COX7B2: variants seen among roughly 807,000 people sequenced by gnomAD.
The protein encoded by COX7B2 is cytochrome c oxidase subunit 7B2, mitochondrial.
For missense variants in COX7B2, 109 were observed against 95.9 expected, an observed-to-expected ratio of 1.14 and a Z score of -0.57; for synonymous variants, 37 against 32.1, an observed-to-expected ratio of 1.15 and a Z score of -0.51.
chr4:46,892,876 G>T lies in COX7B2; in HGVS notation c.-105+16284C>A, dbSNP rs145117724. Among the ~76,000 whole-genome samples, 15 of 152,228 alleles carry T rather than the reference G, an allele frequency of 9.9e-5. No individual in the cohort carries two copies. The East Asian group carries it at 2.9e-3, about 29-fold the overall frequency. On this transcript the variant is annotated intron_variant, in intron 1 of 2. Transcript: ENST00000355591. ...AGTGGGACATAACTGAATAATGGGG[G>T]GATTTCCCCCATGCTATTCTCATGA... is the stretch of plus-strand genomic sequence containing the variant.
At chr4:46,795,482 T>C (rs1718276121) in intron 2 of COX7B2, among the ~76,000 whole-genome samples, 1 of 138,792 alleles carries the variant, frequency 7.2e-6, no homozygotes, top group African/African-American at 2.9e-5. Context: ...CTTGTTTTTC[T>C]CAGGTTTGTC....
chr4:46,762,470 C>G (rs1279794272), intron 2 of COX7B2, among the ~76,000 whole-genome samples: 70 of 134,764 alleles, frequency 5.2e-4, no homozygotes, highest in Non-Finnish European at 1.0e-3. Context: ...AGTATATGTA[C>G]TATATATACT....
chr4:46,753,458 G>T (rs987262802), intron 2 of COX7B2, among the ~76,000 whole-genome samples: 24 of 151,720 alleles, frequency 1.6e-4, no homozygotes, highest in Non-Finnish European at 3.1e-4. Context: ...AACAAGAAAT[G>T]GGGAAAGGAT....
Position 46,842,464 on chromosome 4 carries a change from A to G in COX7B2, c.-50+2496T>C, listed in dbSNP as rs563171107. 2.6e-5 allele frequency among the ~76,000 whole-genome samples: 4 copies of G among 152,098 alleles called. No individual in the cohort carries two copies. In the East Asian group the frequency reaches 5.8e-4, roughly 22 times the overall value. ...TGTGCACAACTTGCAGGTTTGTTAC[A>G]TATGTATACATGTGCCATGCTGATG... is the stretch of plus-strand genomic sequence containing the variant. On this transcript the variant is annotated intron_variant, in intron 2 of 2. Coordinates refer to ENST00000355591, the MANE Select transcript of COX7B2 (RefSeq NM_130902.3).
rs566743809 is a variant in COX7B2 at position 46,883,751 on chromosome 4, T to A, written c.-105+25409A>T. ...CTCCAGCCTGGGCGACAGAGTGAGA[T>A]CTTCTATTAATCAGAATAAACCTTT... On this transcript the variant is annotated intron_variant, in intron 1 of 2. Coordinates refer to ENST00000355591, the MANE Select transcript of COX7B2 (RefSeq NM_130902.3). Among the ~76,000 whole-genome samples the A allele has an allele frequency of 8.1e-4, 123 of 151,288 alleles. 1 individual carries two copies. In the Middle Eastern group the frequency reaches 0.024, roughly 29 times the overall value.
chr4:46,752,342 T>C (rs1481401721), intron 2 of COX7B2, among the ~76,000 whole-genome samples: 2 of 151,430 alleles, frequency 1.3e-5, no homozygotes, highest in African/African-American at 4.8e-5. Flanking sequence ...GTTTTCTAGA[T>C]ATACAATCAT....
At chr4:46,788,728 A>G (rs1014228925) in intron 2 of COX7B2, among the ~76,000 whole-genome samples, 5 of 152,216 alleles carry the variant, frequency 3.3e-5, no homozygotes, top group African/African-American at 1.2e-4. Flanking sequence ...TCAAAGCAAA[A>G]CTAATAGTAA....
intron 1 of COX7B2, among the ~76,000 whole-genome samples, chr4:46,848,485 C>T (rs1255519686): frequency 1.3e-5 from 2 of 151,942 alleles, no homozygotes; most frequent in Non-Finnish European, 2.9e-5. Context: ...TACTGTTGTA[C>T]AAAAACTGTT....
At chr4:46,854,344 A>G (rs960807702) in intron 1 of COX7B2, among the ~76,000 whole-genome samples, 2 of 152,204 alleles carry the variant, frequency 1.3e-5, no homozygotes, top group Non-Finnish European at 2.9e-5. Context: ...TGCTAACAGT[A>G]TACAGTAATC....
chr4:46,880,190 G>C (rs911550173), intron 1 of COX7B2, among the ~76,000 whole-genome samples: 12 of 152,028 alleles, frequency 7.9e-5, no homozygotes, highest in Non-Finnish European at 2.9e-5. Context: ...ATTTTGTTGA[G>C]GATTTTTGCA....
At chr4:46,829,060 G>A (rs1015862110) in intron 2 of COX7B2, among the ~76,000 whole-genome samples, 2 of 152,132 alleles carry the variant, frequency 1.3e-5, no homozygotes, top group Non-Finnish European at 2.9e-5. Context: ...TTCTAAGCAC[G>A]TGATTGAGAT....
chr4:46,768,984 C>A (rs1716713357), intron 2 of COX7B2, among the ~76,000 whole-genome samples: 1 of 151,982 alleles, frequency 6.6e-6, no homozygotes, highest in Non-Finnish European at 1.5e-5. Flanking sequence ...TAGAAATATA[C>A]ATGATATCAA....
intron 1 of COX7B2, among the ~76,000 whole-genome samples, chr4:46,854,795 T>C (rs1716907677): frequency 6.6e-6 from 1 of 152,132 alleles, no homozygotes; most frequent in African/African-American, 2.4e-5. Context: ...ATAAAACCAT[T>C]AAAAAGGCCG....
chr4:46,766,405 T>G (rs1376263182), intron 2 of COX7B2, among the ~76,000 whole-genome samples: 1 of 151,998 alleles, frequency 6.6e-6, no homozygotes, highest in Non-Finnish European at 1.5e-5. Context: ...CATCATCAAA[T>G]GTCAGGGGAA....
chr4:46,786,256 C>T (rs1717748737), intron 2 of COX7B2, among the ~76,000 whole-genome samples: 1 of 152,138 alleles, frequency 6.6e-6, no homozygotes, highest in South Asian at 2.1e-4. Flanking sequence ...ATATTATGAA[C>T]ATCTTCTCAT....
In COX7B2 at chr4:46,786,957, G is replaced by T. The variant is rs539839076; in HGVS notation, c.-49-51716C>A. ...AAGAGAGAGTTCCTGGACTTCCAGG[G>T]TCTGCTGTGAACTTGGAAAAGATGA... On this transcript the variant is annotated intron_variant, in intron 2 of 2. Transcript: ENST00000355591. Among the ~76,000 whole-genome samples the T allele has an allele frequency of 2.6e-5, 4 of 152,262 alleles. No homozygotes were observed. The South Asian group carries it at 8.3e-4, about 32-fold the overall frequency.
At chr4:46,765,801 G>A (rs1314173969) in intron 2 of COX7B2, among the ~76,000 whole-genome samples, 1 of 151,924 alleles carries the variant, frequency 6.6e-6, no homozygotes, top group Non-Finnish European at 1.5e-5. Flanking sequence ...CAGGATCCAG[G>A]CCCATATTAG....
chr4:46,747,372 C>T (rs375920953), intron 2 of COX7B2, among the ~76,000 whole-genome samples: 5 of 152,100 alleles, frequency 3.3e-5, no homozygotes, highest in African/African-American at 1.2e-4. Flanking sequence ...GGTGCAATCT[C>T]GGCTCACTGC....
intron 1 of COX7B2, among the ~76,000 whole-genome samples, chr4:46,904,714 G>A (rs1437531446): frequency 6.6e-6 from 1 of 152,136 alleles, no homozygotes; most frequent in African/African-American, 2.4e-5. Context: ...CCACTAGCAG[G>A]AAACTGTTTA....
Sources: allele counts gnomAD v4.1 joint callset (sites outside exome capture counted in the v4.1 genomes callset), GRCh38; gene constraint gnomAD v4.1.1; transcripts MANE v1.5; gene names NCBI Gene and HGNC (gene_info 2026-07-23, HGNC 2026-07-21).